The following GRID2 variants were observed in gnomAD, a reference collection of about 807,000 sequenced individuals.
GRID2 encodes glutamate ionotropic receptor delta type subunit 2.
Under a neutral mutation model 114.8 loss-of-function variants are expected in GRID2, and 33 were observed. The ratio of observed to expected loss-of-function variants is 0.29; its 90% CI spans 0.22 to 0.38. The LOEUF is 0.38. GRID2 is among the 10% of genes least tolerant of loss of function. The pLI, the probability that GRID2 is intolerant of heterozygous loss-of-function variation, is 1.00. For missense variants in GRID2, 1,184 were observed against 1,257.7 expected, an observed-to-expected ratio of 0.94 and a Z score of 0.89; for synonymous variants, 505 against 449.9, an observed-to-expected ratio of 1.12 and a Z score of -1.55.
chr4:92,717,254 G>A (rs1735595888), intron 2 of GRID2, among the ~76,000 whole-genome samples: 2 of 152,090 alleles, frequency 1.3e-5, no homozygotes, highest in South Asian at 4.1e-4. Context: ...TACTTCCAAG[G>A]TATATGTAAA....
intron 2 of GRID2, among the ~76,000 whole-genome samples, chr4:92,863,293 A>C: frequency 6.6e-6 from 1 of 152,060 alleles, no homozygotes; most frequent in Non-Finnish European, 1.5e-5. Context: ...ATAATTTTGC[A>C]CTGTCCTCTT....
At position 93,769,379 on chromosome 4, in the gene GRID2, C is replaced by T. The variant is rs1334170265; in HGVS notation, c.2530C>T (p.Leu844Phe). The change falls in exon 15 of 16, where the codon CTC (leucine) becomes TTC (phenylalanine). Residue 844 changes from leucine to phenylalanine, a missense_variant. Around this residue, in one of 3 missense-constraint regions of GRID2, gnomAD observed 717 missense variants for 796.9 expected, o/e 0.90. Coordinates refer to ENST00000282020, the MANE Select transcript of GRID2 (RefSeq NM_001510.4). ...VFCILAAGIV[L>F]SCFIAMLETW... ...TTGTATCCTGGCTGCTGGAATTGTC[C>T]TCTCCTGCTTCATAGCCATGCTGGA... 5.0e-6 allele frequency: 8 copies of T among 1,613,690 alleles called. No homozygotes were observed. Among genetic ancestry groups the T allele is most frequent in the South Asian group, 3.3e-5 (3 of 91,076 alleles).
chr4:92,483,066 G>A (rs948824730), intron 1 of GRID2, among the ~76,000 whole-genome samples: 5 of 152,094 alleles, frequency 3.3e-5, no homozygotes, highest in Admixed American at 2.0e-4. Context: ...TTGGCTGGGC[G>A]CAGTGGCTCA....
intron 2 of GRID2, among the ~76,000 whole-genome samples, chr4:92,983,551 C>A (rs997083651): frequency 2.0e-5 from 3 of 151,562 alleles, no homozygotes; most frequent in Non-Finnish European, 4.4e-5. Flanking sequence ...ATCAAATATT[C>A]TTTTATAAAC....
At chr4:92,384,497 A>T (rs1318418635) in intron 1 of GRID2, among the ~76,000 whole-genome samples, 4 of 44,424 alleles carry the variant, frequency 9.0e-5, no homozygotes, top group South Asian at 5.9e-4. Flanking sequence ...ATATAATAAA[A>T]ATATATATTA....
intron 8 of GRID2, among the ~76,000 whole-genome samples, chr4:93,269,141 A>G (rs1455677665): frequency 1.3e-5 from 2 of 152,210 alleles, no homozygotes; most frequent in African/African-American, 4.8e-5. Flanking sequence ...TAGGAAGACT[A>G]GAATATCCAT....
At chr4:93,397,167 T>A (rs1041955576) in intron 9 of GRID2, among the ~76,000 whole-genome samples, 1 of 152,034 alleles carries the variant, frequency 6.6e-6, no homozygotes, top group Non-Finnish European at 1.5e-5. Flanking sequence ...ATATTTTCTA[T>A]GAAAGGACAT....
At chr4:93,463,578 TA>T (rs1723952933) in intron 11 of GRID2, among the ~76,000 whole-genome samples, 2 of 152,228 alleles carry the variant, frequency 1.3e-5, no homozygotes, top group South Asian at 4.1e-4. Context: ...ATATGTTCCA[TA>T]ATTAAAATTA....
chr4:93,594,759 G>A (rs565972236), intron 13 of GRID2, among the ~76,000 whole-genome samples: 17 of 151,998 alleles, frequency 1.1e-4, no homozygotes, highest in African/African-American at 3.1e-4. Flanking sequence ...CTCGTGGTGC[G>A]CCGTTTTTTA....
chr4:93,351,235 A>G (rs995773001), intron 8 of GRID2, among the ~76,000 whole-genome samples: 1 of 152,026 alleles, frequency 6.6e-6, no homozygotes, highest in Non-Finnish European at 1.5e-5. Flanking sequence ...AGTACTTCAA[A>G]CCTTCTTTTC....
chr4:93,616,610 T>C, intron 13 of GRID2, among the ~76,000 whole-genome samples: 1 of 139,068 alleles, frequency 7.2e-6, no homozygotes, highest in South Asian at 2.2e-4. Context: ...TTTTATTATA[T>C]TTATAAAATA....
intron 1 of GRID2, among the ~76,000 whole-genome samples, chr4:93,797,768 T>C (rs571238750): frequency 2.7e-4 from 40 of 149,348 alleles, no homozygotes; most frequent in Admixed American, 2.0e-3. Context: ...ATGTTAGCTC[T>C]GGAGAGGCAG....
intron 2 of GRID2, among the ~76,000 whole-genome samples, chr4:92,607,987 G>A (rs1247908901): frequency 6.6e-6 from 1 of 151,822 alleles, no homozygotes; most frequent in African/African-American, 2.4e-5. Context: ...GCAAGTTGAG[G>A]GGGGAAGGAA....
intron 8 of GRID2, among the ~76,000 whole-genome samples, chr4:93,327,836 T>C (rs777281845): frequency 1.3e-5 from 2 of 152,104 alleles, no homozygotes; most frequent in African/African-American, 2.4e-5. Flanking sequence ...ACTTTACTAC[T>C]GCACAATATA....
intron 1 of GRID2, among the ~76,000 whole-genome samples, chr4:92,383,180 G>A (rs897620401): frequency 6.6e-6 from 1 of 151,898 alleles, no homozygotes; most frequent in African/African-American, 2.4e-5. Context: ...CCGCTCCCAT[G>A]ATCCAATCAC....
chr4:93,315,957 G>T lies in GRID2; in HGVS notation c.1245+77467G>T, dbSNP rs145082304. 5.2e-3 allele frequency among the ~76,000 whole-genome samples: 791 copies of T among 152,124 alleles called. 10 individuals carry two copies. Among genetic ancestry groups the T allele is most frequent in the African/African-American group, 0.018 (765 of 41,508 alleles). On this transcript the variant is annotated intron_variant, in intron 8 of 15. Coordinates refer to ENST00000282020, the MANE Select transcript of GRID2 (RefSeq NM_001510.4). ...TTGAATTTATCAAATTACCTAATTT[G>T]TATTAAAGAGAGCAAGGATCTGAGA...
chr4:92,496,697 T>C (rs1274948316), intron 1 of GRID2, among the ~76,000 whole-genome samples: 1 of 151,074 alleles, frequency 6.6e-6, no homozygotes, highest in African/African-American at 2.5e-5. Context: ...ATAATATAAT[T>C]TGACATTTAA....
At chr4:93,461,554 G>A (rs942293723) in intron 11 of GRID2, among the ~76,000 whole-genome samples, 2 of 152,080 alleles carry the variant, frequency 1.3e-5, no homozygotes, top group Non-Finnish European at 2.9e-5. Flanking sequence ...AGAGTTCACG[G>A]ACAGCCAAAA....
At chr4:93,757,656 C>T (rs1260240049) in intron 14 of GRID2, among the ~76,000 whole-genome samples, 1 of 152,078 alleles carries the variant, frequency 6.6e-6, no homozygotes, top group Non-Finnish European at 1.5e-5. Flanking sequence ...GGATTTTTTC[C>T]TCCATTTATA....
Sources: allele counts gnomAD v4.1 joint callset (sites outside exome capture counted in the v4.1 genomes callset), GRCh38; gene constraint gnomAD v4.1.1; regional missense constraint gnomAD v4.1.1; transcripts MANE v1.5; gene names NCBI Gene and HGNC (gene_info 2026-07-23, HGNC 2026-07-21).